The following CCDC136 variants were observed in gnomAD, a reference collection of about 807,000 sequenced individuals.
The protein encoded by CCDC136 is coiled-coil domain containing 136.
CCDC136 carries 100 observed loss-of-function variants against 141.2 expected under a neutral mutation model. The observed-to-expected ratio is 0.71, with a 90% CI of 0.60 to 0.84. The LOEUF is 0.84. Ranked by LOEUF, CCDC136 falls within the 40% of genes least tolerant of loss-of-function variation. The pLI, the probability that CCDC136 is intolerant of heterozygous loss-of-function variation, is 0.00. For synonymous variants in CCDC136, 474 were observed against 531.9 expected, an observed-to-expected ratio of 0.89 and a Z score of 1.50; for missense variants, 1,206 against 1,379.4, an observed-to-expected ratio of 0.87 and a Z score of 1.99.
At chr7:128,816,932 G>T (rs76128457) in intron 16 of CCDC136, among the ~76,000 whole-genome samples, 6,412 of 152,256 alleles carry the variant, frequency 0.042, 466 homozygotes, top group African/African-American at 0.14. Context: ...TGCTTACCTT[G>T]TGCCAGGGGA....
At chr7:128,800,437 C>T (rs544054965) in intron 3 of CCDC136, among the ~76,000 whole-genome samples, 28 of 151,338 alleles carry the variant, frequency 1.9e-4, no homozygotes, top group African/African-American at 4.8e-4. Flanking sequence ...ATTACAGGGG[C>T]GTGCCACCAC....
rs1424124180 is a variant in CCDC136, at chr7:128,814,619, G to C, written c.2764-19G>C. On this transcript the variant is annotated intron_variant, in intron 14 of 17. Transcript: ENST00000297788. ...CATAACCAGCCAACTCTGGGTAACT[G>C]GCCCTCCACTACCAACAGATCAAAG... is the stretch of plus-strand genomic sequence containing the variant. The C allele has an allele frequency of 6.6e-7, 1 of 1,519,668 alleles. No individual in the cohort carries two copies. The highest frequency in any genetic ancestry group is 1.3e-5 in the South Asian group (1 of 74,998). The allele number at this position is 1,519,668 out of a possible 1,614,324, so 94.1% of individuals were successfully genotyped here.
rs1485082538 is a variant in CCDC136, at chr7:128,814,877, G to A, written c.3003G>A (p.Lys1001=). 1.9e-6 allele frequency: 3 copies of A among 1,605,992 alleles called. No homozygotes were observed. Among genetic ancestry groups the A allele is most frequent in the Non-Finnish European group, 2.6e-6 (3 of 1,176,056 alleles). The change falls in exon 15 of 18, where the codon AAG becomes AAA. Residue 1001 remains lysine (K), a synonymous_variant. Transcript: ENST00000297788. ...ANGVKMKKVT[K]PCSDTSESDL... ...GGGTTAAAATGAAAAAGGTGACCAA[G>A]CCATGCTCGGATACTTCTGAGAGCG...
At chr7:128,793,037 GCA>G (rs1802426392) in intron 1 of CCDC136, among the ~76,000 whole-genome samples, 1 of 152,236 alleles carries the variant, frequency 6.6e-6, no homozygotes, top group African/African-American at 2.4e-5. Flanking sequence ...GTTGCACGTT[GCA>G]CATTCAGTAT....
chr7:128,815,476 A>G (rs1463134544), intron 15 of CCDC136, 138 bp from the exon 16 acceptor site: 5 of 940,830 alleles, frequency 5.3e-6, no homozygotes, highest in Non-Finnish European at 7.8e-6. Context: ...ATTGGCTCAC[A>G]GTCCCAGAGC....
chr7:128,816,053 G>GGAGGCCTC, intron 16 of CCDC136, 122 bp downstream of exon 16: 1 of 919,568 alleles, frequency 1.1e-6, no homozygotes, highest in Non-Finnish European at 1.6e-6. Flanking sequence ...GCGCTCTAAG[G>GGAGGCCTC]CACAACCCTT....
rs1585129722 is a variant in CCDC136, at chr7:128,817,677, A to G, written c.3364-81A>G. 2 of 974,270 alleles carry G rather than the reference A, an allele frequency of 2.1e-6. No homozygotes were observed. The highest frequency in any genetic ancestry group is 2.4e-5 in the East Asian group (1 of 42,006). 60.4% of individuals were successfully genotyped at this position (974,270 alleles called of 1,614,324 possible). The stretch of plus-strand genomic sequence containing the variant: ...CTTTTCCCTTTGTTTTCTCATCTTC[A>G]TTATCTGTTGGATCCATGCGTTTAT... On this transcript the variant is annotated intron_variant, in intron 16 of 17. Coordinates refer to ENST00000297788, the MANE Select transcript of CCDC136 (RefSeq NM_022742.5). This position sits in a 1 kb window ranked among gnomAD's most constrained non-coding sequence, Gnocchi z 4.6.
chr7:128,808,854 T>C, intron 10 of CCDC136: 1 of 985,484 alleles, frequency 1.0e-6, no homozygotes, highest in Non-Finnish European at 1.2e-6. Flanking sequence ...CTGCTTTTTC[T>C]CTAGCCGTAA....
At chr7:128,816,248 C>T (rs1268317889) in intron 16 of CCDC136, among the ~76,000 whole-genome samples, 5 of 152,170 alleles carry the variant, frequency 3.3e-5, no homozygotes, top group African/African-American at 1.2e-4. Context: ...GGGAGTGTTC[C>T]CTCATCCCTC....
Position 128,807,440 on chromosome 7 carries a change from C to T in CCDC136, c.1500C>T (p.His500=). The change falls in exon 10 of 18, where the codon CAC becomes CAT. Residue 500 remains histidine, a synonymous_variant. Transcript: ENST00000297788. ...AGGACGAGCTGGAGCGGCAGAAGCA[C>T]ATGTATGACCAGCTGGAGCAGGACC... ...ASKDELERQK[H]MYDQLEQDLL... 6.4e-7 allele frequency: 1 copy of T among 1,572,630 alleles called. No individual in the cohort carries two copies. The highest frequency in any genetic ancestry group is 8.6e-7 in the Non-Finnish European group (1 of 1,159,886).
Position 128,805,583 on chromosome 7 carries a change from C to A in CCDC136, c.948+59C>A. 1 of 1,558,008 alleles carries A rather than the reference C, an allele frequency of 6.4e-7. No homozygotes were observed. Among genetic ancestry groups the A allele is most frequent in the Non-Finnish European group, 8.7e-7 (1 of 1,148,006 alleles). Reference sequence around the variant, plus strand: ...TTCTTGTCTTTCTTTCACCTTCTCCCAGCCTGTGGTAGAAACATCTCCATA... The same window carrying A: ...TTCTTGTCTTTCTTTCACCTTCTCCAAGCCTGTGGTAGAAACATCTCCATA... On this transcript the variant is annotated intron_variant, in intron 6 of 17. Coordinates refer to ENST00000297788, the MANE Select transcript of CCDC136 (RefSeq NM_022742.5). The surrounding 1 kb of genome is among the most constrained non-coding windows in gnomAD (Gnocchi z 4.6).
chr7:128,799,565 A>T (rs1708551218), intron 3 of CCDC136, among the ~76,000 whole-genome samples: 1 of 151,816 alleles, frequency 6.6e-6, no homozygotes, highest in African/African-American at 2.4e-5. Context: ...AACCAAGTGA[A>T]GGGGAGACTT....
At position 128,792,421 on chromosome 7, in the gene CCDC136, A is replaced by G. The variant is rs772760015; in HGVS notation, c.10A>G (p.Met4Val). The G allele has an allele frequency of 3.1e-6, 5 of 1,607,716 alleles. No homozygotes were observed. Among genetic ancestry groups the G allele is most frequent in the Non-Finnish European group, 4.2e-6 (5 of 1,177,160 alleles). Residue 4 changes from methionine (M) to valine (V), a missense_variant, in exon 1 of 18, where the codon ATG becomes GTG. By Grantham distance (21) the Met-to-Val change is conservative. Transcript: ENST00000297788. MQA[M>V]EGEVLLPALY... ...CCTGGAACGACGGGGGATGCAAGCTATGGAGGGTGAGTTTTCCCAAAAGGC... is the reference window on the plus strand; with the variant it reads ...CCTGGAACGACGGGGGATGCAAGCTGTGGAGGGTGAGTTTTCCCAAAAGGC...
At position 128,815,850 on chromosome 7, in the gene CCDC136, T is replaced by C. The variant is rs1806532914; in HGVS notation, c.3282T>C (p.Ser1094=). 1.2e-6 allele frequency: 2 copies of C among 1,612,954 alleles called. No homozygotes were observed. Among genetic ancestry groups the C allele is most frequent in the South Asian group, 2.2e-5 (2 of 90,888 alleles). Residue 1094 remains serine, a synonymous_variant, in exon 16 of 18, where the codon AGT becomes AGC. Transcript: ENST00000297788. ...DKEEEEKEED[S]EEEEDDADSS... The stretch of plus-strand genomic sequence containing the variant: ...AGGAAGAGGAGAAGGAAGAAGACAG[T>C]GAAGAGGAGGAGGATGACGCCGACT...
intron 3 of CCDC136, among the ~76,000 whole-genome samples, chr7:128,798,849 A>G (rs1803525134): frequency 1.3e-5 from 2 of 152,108 alleles, no homozygotes; most frequent in Non-Finnish European, 2.9e-5. Flanking sequence ...TGAATAGATC[A>G]AGGAGACGTA....
chr7:128,791,621 C>T, upstream of CCDC136: 2 of 1,004,866 alleles, frequency 2.0e-6, no homozygotes, highest in South Asian at 4.7e-5. The surrounding 1 kb of genome is among the most constrained non-coding windows in gnomAD (Gnocchi z 7.1). Context: ...TCCTTCCAGA[C>T]CCCCAGGTGC....
chr7:128,817,169 A>G lies in CCDC136; in HGVS notation c.3364-589A>G, dbSNP rs928306096. ...CGTGGGTCCTGCGTCTTTTGCAGGC[A>G]GCTCTAGGGCATGTGTATTACCACC... is the stretch of plus-strand genomic sequence containing the variant. On this transcript the variant is annotated intron_variant, in intron 16 of 17. Transcript: ENST00000297788. This position sits in a 1 kb window ranked among gnomAD's most constrained non-coding sequence, Gnocchi z 4.6. Among the ~76,000 whole-genome samples, 4 of 152,166 alleles carry G rather than the reference A, an allele frequency of 2.6e-5. No homozygotes were observed. The highest frequency in any genetic ancestry group is 4.4e-5 in the Non-Finnish European group (3 of 68,044).
chr7:128,813,459 G>C (rs1562973542), intron 14 of CCDC136, among the ~76,000 whole-genome samples: 1 of 152,164 alleles, frequency 6.6e-6, no homozygotes, highest in Non-Finnish European at 1.5e-5. Flanking sequence ...AGAGAGCAGC[G>C]AACACATGGG....
intron 11 of CCDC136, 129 bp downstream of exon 11, chr7:128,809,773 C>T (rs1805436684): frequency 1.7e-5 from 12 of 696,962 alleles, no homozygotes; most frequent in Non-Finnish European, 1.4e-5. Context: ...ACTTTCTCAC[C>T]ACTCTCCCCA....
Sources: gnomAD v4.1 joint callset for allele counts (sites outside exome capture counted in the v4.1 genomes callset) on GRCh38, gnomAD v4.1.1 for gene constraint, Gnocchi (gnomAD v3.1) non-coding constraint, MANE v1.5 for transcripts, NCBI Gene and HGNC (gene_info 2026-07-23, HGNC 2026-07-21) for gene names.